ASIC2: variants seen among roughly 807,000 people sequenced by gnomAD.
The protein encoded by ASIC2 is acid-sensing ion channel 2.
A neutral mutation model predicts 57.3 loss-of-function variants in ASIC2; 25 were observed. The observed-to-expected ratio is 0.44, with a 90% CI of 0.32 to 0.61. ASIC2 has a LOEUF of 0.61. Among genes scored for constraint, ASIC2 ranks in the 20% least tolerant of loss-of-function variants. The pLI is 0.06. For missense variants in ASIC2, 641 were observed against 738.1 expected, an observed-to-expected ratio of 0.87 and a Z score of 1.52; for synonymous variants, 319 against 307.5, an observed-to-expected ratio of 1.04 and a Z score of -0.39.
intron 1 of ASIC2, among the ~76,000 whole-genome samples, chr17:33,329,800 G>A (rs890740127): frequency 6.6e-6 from 1 of 152,046 alleles, no homozygotes; most frequent in Non-Finnish European, 1.5e-5. Context: ...ATGTTTGTGA[G>A]GATCAGAGAC....
intron 1 of ASIC2, among the ~76,000 whole-genome samples, chr17:33,357,898 A>T (rs965374257): frequency 7.9e-5 from 12 of 152,218 alleles, no homozygotes; most frequent in Non-Finnish European, 1.8e-4. Flanking sequence ...GATGACTTGC[A>T]TCAGAGTCAC....
At chr17:34,145,272 A>T (rs1661395301) in intron 1 of ASIC2, among the ~76,000 whole-genome samples, 1 of 152,146 alleles carries the variant, frequency 6.6e-6, no homozygotes, top group African/African-American at 2.4e-5. Context: ...TAGCTTCAAG[A>T]CTACACAGTA....
At chr17:33,127,274 C>T (rs1451455649) in intron 1 of ASIC2, among the ~76,000 whole-genome samples, 1 of 152,168 alleles carries the variant, frequency 6.6e-6, no homozygotes, top group Non-Finnish European at 1.5e-5. Flanking sequence ...GACGTGGGAT[C>T]TCGACCCTGG....
intron 3 of ASIC2, among the ~76,000 whole-genome samples, chr17:33,032,450 T>G (rs1272000194): frequency 5.3e-5 from 3 of 56,928 alleles, no homozygotes; most frequent in African/African-American, 1.4e-4. Flanking sequence ...GTTTTTTTTT[T>G]TTTTTTTTTT....
At chr17:33,944,791 C>T (rs1377426924) in intron 1 of ASIC2, among the ~76,000 whole-genome samples, 2 of 152,158 alleles carry the variant, frequency 1.3e-5, no homozygotes, top group Non-Finnish European at 2.9e-5. Flanking sequence ...GGGTTGTGGC[C>T]TCTGTCCCTC....
At chr17:33,995,703 TACC>T (rs1278154852) in intron 1 of ASIC2, among the ~76,000 whole-genome samples, 3 of 152,108 alleles carry the variant, frequency 2.0e-5, no homozygotes, top group Admixed American at 2.0e-4. Context: ...CACGTATATA[TACC>T]ACATTGTGTA....
intron 1 of ASIC2, among the ~76,000 whole-genome samples, chr17:33,791,148 C>A (rs539905633): frequency 2.0e-5 from 3 of 152,220 alleles, no homozygotes; most frequent in African/African-American, 7.2e-5. Flanking sequence ...GAGTCACGAA[C>A]AATGAGATGG....
At chr17:33,569,146 C>T (rs1023743732) in intron 1 of ASIC2, 64 of 152,232 alleles carry the variant, frequency 4.2e-4, no homozygotes, top group African/African-American at 1.5e-3. Context: ...CATTTCAACA[C>T]ATCAAATTTT....
intron 3 of ASIC2, among the ~76,000 whole-genome samples, chr17:33,064,637 G>C (rs1251221848): frequency 6.6e-6 from 1 of 152,180 alleles, no homozygotes; most frequent in African/African-American, 2.4e-5. Flanking sequence ...CTACTCGGGG[G>C]TCAGGGACCC....
chr17:33,181,457 G>C (rs949004129), intron 1 of ASIC2, among the ~76,000 whole-genome samples: 1 of 152,128 alleles, frequency 6.6e-6, no homozygotes, highest in African/African-American at 2.4e-5. Context: ...CAGTTCTTGA[G>C]CACAGAAGTC....
intron 1 of ASIC2, among the ~76,000 whole-genome samples, chr17:33,142,190 G>T (rs774387217): frequency 2.4e-4 from 37 of 152,128 alleles, no homozygotes; most frequent in Admixed American, 5.9e-4. Context: ...GAATGGCAAG[G>T]TTTATCTTGG....
chr17:33,132,149 C>T (rs186607107), intron 1 of ASIC2, among the ~76,000 whole-genome samples: 3 of 152,282 alleles, frequency 2.0e-5, no homozygotes, highest in Admixed American at 6.5e-5. Context: ...CTTCCAGCCA[C>T]CTATTCAGGT....
Position 33,786,751 on chromosome 17 carries a change from G to T in ASIC2, c.555+369227C>A, listed in dbSNP as rs140587017. On this transcript the variant is annotated intron_variant, in intron 1 of 9. Transcript: ENST00000359872. Reference sequence around the variant, plus strand: ...TGCTGTAGAGGCAGTGAAAGTCAGGGTTGGGAAGCAGGCAGTGTTGATGGC... The same window carrying T: ...TGCTGTAGAGGCAGTGAAAGTCAGGTTTGGGAAGCAGGCAGTGTTGATGGC... 8.7e-3 allele frequency among the ~76,000 whole-genome samples: 1,324 copies of T among 152,252 alleles called. 23 individuals carry two copies. The highest frequency in any genetic ancestry group is 0.03 in the African/African-American group (1,243 of 41,546).
chr17:34,098,064 G>A (rs1243729051), intron 1 of ASIC2, among the ~76,000 whole-genome samples: 1 of 152,202 alleles, frequency 6.6e-6, no homozygotes, highest in Non-Finnish European at 1.5e-5. Flanking sequence ...AGAAGCAAGT[G>A]TTTACTGGGT....
chr17:33,730,816 G>A (rs1157828114), intron 1 of ASIC2, among the ~76,000 whole-genome samples: 1 of 152,076 alleles, frequency 6.6e-6, no homozygotes, highest in East Asian at 1.9e-4. Flanking sequence ...GTTGATTGAG[G>A]GACACTCAGA....
At chr17:33,399,379 T>C (rs1254640618) in intron 1 of ASIC2, among the ~76,000 whole-genome samples, 1 of 152,132 alleles carries the variant, frequency 6.6e-6, no homozygotes, top group Non-Finnish European at 1.5e-5. Flanking sequence ...CACACTGGGG[T>C]GAGGGACGAT....
At chr17:33,800,783 T>G (rs1187220899) in intron 1 of ASIC2, among the ~76,000 whole-genome samples, 1 of 152,174 alleles carries the variant, frequency 6.6e-6, no homozygotes, top group East Asian at 1.9e-4. Flanking sequence ...CCATTCCAAG[T>G]GTTTTCCATG....
intron 1 of ASIC2, chr17:33,794,151 G>C (rs915997818): frequency 6.6e-6 from 1 of 152,168 alleles, no homozygotes; most frequent in Non-Finnish European, 1.5e-5. Context: ...CAATTTGCAG[G>C]ACAAAAGTGC....
intron 3 of ASIC2, among the ~76,000 whole-genome samples, chr17:33,084,260 C>A (rs765431290): frequency 1.1e-4 from 16 of 152,176 alleles, no homozygotes; most frequent in Non-Finnish European, 1.8e-4. Context: ...GGGCAGTGAC[C>A]TATCCAAAGT....
Sources: allele counts gnomAD v4.1 joint callset (sites outside exome capture counted in the v4.1 genomes callset), GRCh38; gene constraint gnomAD v4.1.1; transcripts MANE v1.5; gene names NCBI Gene and HGNC (gene_info 2026-07-23, HGNC 2026-07-21).